CDH4: variants seen among roughly 807,000 people sequenced by gnomAD.
CDH4 encodes the protein cadherin-4.
In CDH4, 33 loss-of-function variants were observed where a neutral mutation model predicts 86.0. That is an observed-to-expected ratio of 0.38 (90% CI 0.29 to 0.51). The LOEUF (loss-of-function observed/expected upper bound fraction) is 0.51, where lower values mean the gene tolerates loss of function less well. Ranked by LOEUF, CDH4 falls within the 20% of genes least tolerant of loss-of-function variation. The probability of loss-of-function intolerance (pLI) is 0.86; values close to 1 mark genes in which losing one functional copy is unlikely to be tolerated. For missense variants in CDH4, 1,114 were observed against 1,307.4 expected, an observed-to-expected ratio of 0.85 and a Z score of 2.28; for synonymous variants, 555 against 549.4, an observed-to-expected ratio of 1.01 and a Z score of -0.14.
At chr20:61,473,761 A>G (rs538532076) in intron 2 of CDH4, among the ~76,000 whole-genome samples, 2 of 152,244 alleles carry the variant, frequency 1.3e-5, no homozygotes, top group South Asian at 4.2e-4. Context: ...ACGCAGACAC[A>G]CAGACACACA....
intron 2 of CDH4, among the ~76,000 whole-genome samples, chr20:61,283,549 TGTG>T (rs1476167400): frequency 7.2e-6 from 1 of 138,852 alleles, no homozygotes; most frequent in African/African-American, 2.7e-5. Flanking sequence ...ACGCGTGTGC[TGTG>T]GTGTGTGATG....
chr20:61,387,411 AAC>A (rs906578783), intron 2 of CDH4, among the ~76,000 whole-genome samples: 4 of 139,112 alleles, frequency 2.9e-5, no homozygotes, highest in Non-Finnish European at 6.2e-5. Context: ...CAGCTACACA[AAC>A]ACACAGAGAC....
At chr20:61,306,361 G>A (rs747971124) in intron 2 of CDH4, among the ~76,000 whole-genome samples, 12 of 151,202 alleles carry the variant, frequency 7.9e-5, no homozygotes, top group Non-Finnish European at 1.5e-4. Context: ...TTTTTTAAAC[G>A]GAGTCTCGCT....
chr20:61,691,142 C>T (rs892974936), intron 2 of CDH4, among the ~76,000 whole-genome samples: 13 of 152,138 alleles, frequency 8.5e-5, no homozygotes, highest in South Asian at 4.2e-4. Flanking sequence ...CATGATTTAC[C>T]GCTAGATTTG....
Position 61,923,696 on chromosome 20 carries a change from G to C in CDH4, c.1620G>C (p.Gln540His). 1.2e-6 allele frequency: 2 copies of C among 1,613,410 alleles called. No individual in the cohort carries two copies. Among genetic ancestry groups the C allele is most frequent in the East Asian group, 2.2e-5 (1 of 44,876 alleles). ...TGGACCCTGACCGGTTCATGCAGCA[G>C]GCTGTGAGGTGGGTGCACAGGACAT... ...SAVDPDRFMQQAVRYSKLSDP... is the reference protein window; with the variant it reads ...SAVDPDRFMQHAVRYSKLSDP... Residue 540 changes from glutamine to histidine, a missense_variant, in exon 10 of 16, where the codon CAG becomes CAC. By Grantham distance (24) the Gln-to-His change is conservative. This residue lies in a region of CDH4 where 705 missense variants were observed against 914.1 expected (regional missense o/e 0.77). Transcript: ENST00000614565.
rs909015851 is a variant in CDH4, at chr20:61,681,276, T to A, written c.170-62287T>A. On this transcript the variant is annotated intron_variant, in intron 2 of 15. Transcript: ENST00000614565. This position sits in a 1 kb window ranked among gnomAD's most constrained non-coding sequence, Gnocchi z 4.5. ...TTGTATACAGTGCTTTAGGACTAAG[T>A]AGCTTTTTGCAAGGCTTGGTATGAA... 6.6e-6 allele frequency among the ~76,000 whole-genome samples: 1 copy of A among 152,228 alleles called. No homozygotes were observed. The highest frequency in any genetic ancestry group is 1.5e-5 in the Non-Finnish European group (1 of 68,044).
chr20:61,671,156 G>GTGGATCCGTGGATGAATGGA (rs2087383245), intron 2 of CDH4, among the ~76,000 whole-genome samples: 1 of 151,856 alleles, frequency 6.6e-6, no homozygotes, highest in Non-Finnish European at 1.5e-5. Context: ...GGATGGGTGG[G>GTGGATCCGTGGATGAATGGA]TGGATCCGTG....
At position 61,879,717 on chromosome 20, in the gene CDH4, C is replaced by G. The variant is rs1021592365; in HGVS notation, c.1050+5817C>G. ...CCTAATGAGGAGGTGAACGTGCCGCCCGAGCCCCGTCCTGAAGGTGAGAGT... is the reference window on the plus strand; with the variant it reads ...CCTAATGAGGAGGTGAACGTGCCGCGCGAGCCCCGTCCTGAAGGTGAGAGT... On this transcript the variant is annotated intron_variant, in intron 7 of 15. Coordinates refer to ENST00000614565, the MANE Select transcript of CDH4 (RefSeq NM_001794.5). This position sits in a 1 kb window ranked among gnomAD's most constrained non-coding sequence, Gnocchi z 4.1. Among the ~76,000 whole-genome samples, 1 of 152,136 alleles carries G rather than the reference C, an allele frequency of 6.6e-6. No individual in the cohort carries two copies. The highest frequency in any genetic ancestry group is 2.4e-5 in the African/African-American group (1 of 41,434).
chr20:61,470,438 T>C (rs2085495782), intron 2 of CDH4, among the ~76,000 whole-genome samples: 1 of 152,124 alleles, frequency 6.6e-6, no homozygotes, highest in African/African-American at 2.4e-5. Context: ...CATTTTTTGT[T>C]GGAATCTTTA....
intron 7 of CDH4, among the ~76,000 whole-genome samples, chr20:61,883,918 G>A (rs974170788): frequency 1.3e-5 from 2 of 152,218 alleles, no homozygotes; most frequent in South Asian, 2.1e-4. Flanking sequence ...GGGGAAGCAA[G>A]AGGGTCCCAG....
rs1486191636 is a variant in CDH4 at position 61,501,069 on chromosome 20, G to A, written c.170-242494G>A. ...TGGGGAGGAGAGAACTTTCTTCTCC[G>A]ACAGACGGTTCATGATTTCCAAGGT... On this transcript the variant is annotated intron_variant, in intron 2 of 15. Transcript: ENST00000614565. This position sits in a 1 kb window ranked among gnomAD's most constrained non-coding sequence, Gnocchi z 4.2. Among the ~76,000 whole-genome samples the A allele has an allele frequency of 2.0e-5, 3 of 152,184 alleles. No individual in the cohort carries two copies. Among genetic ancestry groups the A allele is most frequent in the Non-Finnish European group, 4.4e-5 (3 of 68,034 alleles).
At chr20:61,508,914 C>G (rs565994951) in intron 2 of CDH4, among the ~76,000 whole-genome samples, 1 of 152,214 alleles carries the variant, frequency 6.6e-6, no homozygotes, top group African/African-American at 2.4e-5. Context: ...ACCCCCTCCC[C>G]ACTCTGCCTC....
intron 6 of CDH4, among the ~76,000 whole-genome samples, chr20:61,857,294 C>T (rs760402656): frequency 1.3e-5 from 2 of 152,256 alleles, no homozygotes; most frequent in African/African-American, 4.8e-5. Context: ...CCGAGGCCTT[C>T]GGCCCGGGCT....
At chr20:61,926,277 G>A (rs1050587824) in intron 11 of CDH4, among the ~76,000 whole-genome samples, 7 of 152,260 alleles carry the variant, frequency 4.6e-5, no homozygotes, top group African/African-American at 1.7e-4. Flanking sequence ...AACGGTGTGT[G>A]CAAAGGCCCT....
intron 4 of CDH4, among the ~76,000 whole-genome samples, chr20:61,794,011 C>A (rs373005942): frequency 6.7e-6 from 1 of 148,918 alleles, no homozygotes; most frequent in Admixed American, 6.7e-5. Context: ...GGCGTGGTGG[C>A]GGGCACCTGT....
At chr20:61,368,048 T>C (rs571956695) in intron 2 of CDH4, among the ~76,000 whole-genome samples, 58 of 152,130 alleles carry the variant, frequency 3.8e-4, no homozygotes, top group African/African-American at 1.3e-3. Context: ...CTTTTGTATT[T>C]TTAGTAGAGA....
intron 2 of CDH4, among the ~76,000 whole-genome samples, chr20:61,400,715 C>T (rs4925270): frequency 0.5 from 76,451 of 151,942 alleles, 20,277 homozygotes; most frequent in African/African-American, 0.67. Context: ...AGAAGCTTCT[C>T]TGGGTCCCTT....
intron 2 of CDH4, among the ~76,000 whole-genome samples, chr20:61,315,558 C>A (rs1190300921): frequency 6.6e-6 from 1 of 152,186 alleles, no homozygotes; most frequent in Non-Finnish European, 1.5e-5. Flanking sequence ...CCAAGAAACT[C>A]GCAGAACCAG....
At position 61,937,143 on chromosome 20, in the gene CDH4, G is replaced by A. The variant is rs560833594; in HGVS notation, c.*200G>A. 45 of 370,552 alleles carry A rather than the reference G, an allele frequency of 1.2e-4. No homozygotes were observed. Among genetic ancestry groups the A allele is most frequent in the Non-Finnish European group, 1.5e-4 (31 of 210,716 alleles). 23.0% of individuals were successfully genotyped at this position (370,552 alleles called of 1,614,324 possible). A position where few individuals can be genotyped will look rare whatever the true frequency, so the allele number is the denominator to read the frequency against. ...CTGCACCCGGCCGCTGCCCAGCACCGCGCTGGCTGGCACTGAAGGACAGCA... is the reference window on the plus strand; with the variant it reads ...CTGCACCCGGCCGCTGCCCAGCACCACGCTGGCTGGCACTGAAGGACAGCA... On this transcript the variant is annotated 3_prime_UTR_variant, in exon 16 of 16. Transcript: ENST00000614565.
Sources: allele counts gnomAD v4.1 joint callset (sites outside exome capture counted in the v4.1 genomes callset), GRCh38; gene constraint gnomAD v4.1.1; regional missense constraint gnomAD v4.1.1; non-coding constraint Gnocchi (gnomAD v3.1); transcripts MANE v1.5; gene names NCBI Gene and HGNC (gene_info 2026-07-23, HGNC 2026-07-21).